DNAH11: variants seen among roughly 807,000 people sequenced by gnomAD.
DNAH11 encodes dynein axonemal heavy chain 11, also known as axonemal beta dynein heavy chain 11.
In DNAH11, 442 loss-of-function variants were observed where a neutral mutation model predicts 526.0. That is an observed-to-expected ratio of 0.84 (90% CI 0.78 to 0.91). The LOEUF is 0.91. Ranked by LOEUF, DNAH11 falls within the 40% of genes least tolerant of loss-of-function variation. The pLI is 0.00. For synonymous variants in DNAH11, 2,461 were observed against 1,935.9 expected (o/e 1.27, Z -7.12); for missense variants, 6,989 against 5,448.7 (o/e 1.28, Z -8.90).
intron 57 of DNAH11, among the ~76,000 whole-genome samples, chr7:21,779,966 C>T (rs1382108559): frequency 6.6e-6 from 1 of 151,892 alleles, no homozygotes; most frequent in Non-Finnish European, 1.5e-5. Flanking sequence ...TTTATGTTAC[C>T]TGAAAATATT....
chr7:21,873,784 CTTTTTTTTTTTTT>C (rs57333575), intron 74 of DNAH11, among the ~76,000 whole-genome samples: 1 of 70,700 alleles, frequency 1.4e-5, no homozygotes, highest in South Asian at 7.6e-4. Context: ...GAGGAGGTTG[CTTTTTTTTTTTTT>C]TTTTTTTTTT....
intron 28 of DNAH11, among the ~76,000 whole-genome samples, chr7:21,640,277 G>T (rs1787064287): frequency 6.6e-6 from 1 of 152,078 alleles, no homozygotes; most frequent in Non-Finnish European, 1.5e-5. Context: ...AAACTATTTT[G>T]AAACATAATA....
At chr7:21,584,490 A>G (rs993222727) in intron 9 of DNAH11, among the ~76,000 whole-genome samples, 1 of 152,198 alleles carries the variant, frequency 6.6e-6, no homozygotes, top group Non-Finnish European at 1.5e-5. Flanking sequence ...TGATGGGTTG[A>G]TAGGTACAGC....
At chr7:21,732,330 C>G (rs534784297) in intron 45 of DNAH11, among the ~76,000 whole-genome samples, 1 of 152,266 alleles carries the variant, frequency 6.6e-6, no homozygotes, top group Admixed American at 6.5e-5. Flanking sequence ...CTTATAAGGA[C>G]ACCTATCAGA....
Position 21,617,816 on chromosome 7 carries a change from C to T in DNAH11, c.4254+39C>T, listed in dbSNP as rs1336075780. On this transcript the variant is annotated intron_variant, in intron 23 of 81. Transcript: ENST00000409508. The stretch of plus-strand genomic sequence containing the variant: ...GTCTCACTAATGAACCTTTTTATGA[C>T]TGTGAAGTGTTACTTCTTGGTTTGC... The T allele has an allele frequency of 4.6e-6, 7 of 1,512,942 alleles. No homozygotes were observed. The Admixed American group carries it at 1.1e-4, about 24-fold the overall frequency. 93.7% of individuals were successfully genotyped at this position (1,512,942 alleles called of 1,614,324 possible).
chr7:21,866,680 T>G lies in DNAH11; in HGVS notation c.11690+17T>G. The G allele has an allele frequency of 6.3e-7, 1 of 1,594,442 alleles. No homozygotes were observed. The highest frequency in any genetic ancestry group is 8.5e-7 in the Non-Finnish European group (1 of 1,171,302). ...TGCTCTCAGGTGGGGTGGTCAGCAT[T>G]TTTGGAAACATGTATTAGTTAACAT... On this transcript the variant is annotated intron_variant, in intron 71 of 81. Coordinates refer to ENST00000409508, the MANE Select transcript of DNAH11 (RefSeq NM_001277115.2).
intron 38 of DNAH11, 27 bp from the exon 39 acceptor site, chr7:21,705,433 A>T (rs1220242353): frequency 1.2e-6 from 2 of 1,612,210 alleles, no homozygotes. Flanking sequence ...CTTAAAGGAA[A>T]CCAGCAACCA....
chr7:21,728,555 G>A lies in DNAH11; in HGVS notation c.7440+2571G>A, dbSNP rs115450983. Among the ~76,000 whole-genome samples, 601 of 152,068 alleles carry A rather than the reference G, an allele frequency of 4.0e-3. 3 individuals carry two copies. Among genetic ancestry groups the A allele is most frequent in the African/African-American group, 0.012 (514 of 41,480 alleles). On this transcript the variant is annotated intron_variant, in intron 45 of 81. Transcript: ENST00000409508. ...ATTACAGGCATGAGCCGCCACGCCC[G>A]GCCTACCAACAGCCCAAAATTCTTA... is the stretch of plus-strand genomic sequence containing the variant.
chr7:21,727,012 CAA>C (rs1191377882), intron 45 of DNAH11, among the ~76,000 whole-genome samples: 2 of 115,980 alleles, frequency 1.7e-5, no homozygotes, highest in Non-Finnish European at 3.3e-5. Context: ...CGGCTCACCG[CAA>C]GATCCACCTC....
chr7:21,848,091 C>A (rs1019552356), intron 66 of DNAH11, among the ~76,000 whole-genome samples: 3 of 148,294 alleles, frequency 2.0e-5, no homozygotes, highest in Non-Finnish European at 4.4e-5. Flanking sequence ...GGCGTGAACC[C>A]AGGAGGTAGA....
chr7:21,846,042 T>C (rs1468812200), intron 66 of DNAH11, among the ~76,000 whole-genome samples: 1 of 152,214 alleles, frequency 6.6e-6, no homozygotes, highest in African/African-American at 2.4e-5. Context: ...TGTTTAAAGC[T>C]GGTGTATAGA....
intron 73 of DNAH11, among the ~76,000 whole-genome samples, chr7:21,869,920 G>A (rs1440332279): frequency 6.6e-6 from 1 of 152,164 alleles, no homozygotes; most frequent in African/African-American, 2.4e-5. Context: ...GCATTAGGGG[G>A]CACCTGAGGA....
chr7:21,608,760 T>G (rs1333195928), intron 20 of DNAH11, among the ~76,000 whole-genome samples: 2 of 152,216 alleles, frequency 1.3e-5, no homozygotes, highest in Non-Finnish European at 2.9e-5. Flanking sequence ...ATGTAAACAT[T>G]TACTACAGTT....
At chr7:21,565,416 T>C (rs1783626149) in intron 6 of DNAH11, among the ~76,000 whole-genome samples, 2 of 152,224 alleles carry the variant, frequency 1.3e-5, no homozygotes, top group African/African-American at 2.4e-5. Flanking sequence ...AATTCAGATA[T>C]TTTTCAAATG....
intron 25 of DNAH11, among the ~76,000 whole-genome samples, chr7:21,627,280 G>C (rs1786385091): frequency 6.6e-6 from 1 of 152,090 alleles, no homozygotes; most frequent in Non-Finnish European, 1.5e-5. Context: ...GTCTTGGCAT[G>C]ATCCTGTTTG....
chr7:21,622,290 C>G lies in DNAH11; in HGVS notation c.4500+2212C>G, dbSNP rs1236899945. Among the ~76,000 whole-genome samples the G allele has an allele frequency of 2.0e-5, 3 of 152,078 alleles. No homozygotes were observed. In the South Asian group the frequency reaches 6.2e-4, roughly 31 times the overall value. On this transcript the variant is annotated intron_variant, in intron 25 of 81. Transcript: ENST00000409508. ...ATGTGAAGGACCTCTTCAAGGAGAA[C>G]TACAAACCACTGCTCAATGAAATAA...
chr7:21,776,765 T>C (rs1475701952), intron 56 of DNAH11, among the ~76,000 whole-genome samples: 1 of 152,184 alleles, frequency 6.6e-6, no homozygotes, highest in African/African-American at 2.4e-5. Flanking sequence ...TATTTCTATT[T>C]TGAGATGATA....
chr7:21,543,509 G>C lies in DNAH11; in HGVS notation c.264G>C (p.Gln88His). ...SQYLESEDNRQVLGEFLESTS... is the reference protein window; with the variant it reads ...SQYLESEDNRHVLGEFLESTS... ...ATTTGGAAAGCGAGGACAACCGGCA[G>C]GTTCTTGGGGAGTTTCTGGAAAGCA... Residue 88 changes from glutamine (Q) to histidine (H), a missense_variant, in exon 1 of 82, where the codon CAG becomes CAC. Coordinates refer to ENST00000409508, the MANE Select transcript of DNAH11 (RefSeq NM_001277115.2). 6.8e-6 allele frequency: 11 copies of C among 1,609,246 alleles called. No individual in the cohort carries two copies. The highest frequency in any genetic ancestry group is 8.5e-6 in the Non-Finnish European group (10 of 1,177,780).
intron 9 of DNAH11, among the ~76,000 whole-genome samples, chr7:21,582,539 C>T (rs1364964460): frequency 6.6e-6 from 1 of 152,134 alleles, no homozygotes; most frequent in African/African-American, 2.4e-5. Flanking sequence ...TCATTGACTG[C>T]ATAATGTATT....
Sources: gnomAD v4.1 joint callset for allele counts (sites outside exome capture counted in the v4.1 genomes callset) on GRCh38, gnomAD v4.1.1 for gene constraint, MANE v1.5 for transcripts, NCBI Gene and HGNC (gene_info 2026-07-23, HGNC 2026-07-21) for gene names.